The following GTF2A2 variants were observed in gnomAD, a reference collection of about 807,000 sequenced individuals.
The protein encoded by GTF2A2 is transcription initiation factor IIA subunit 2.
In GTF2A2, 9 loss-of-function variants were observed where a neutral mutation model predicts 14.3. The ratio of observed to expected loss-of-function variants is 0.63; its 90% CI spans 0.38 to 1.10. GTF2A2 has a LOEUF of 1.10. Ranked by LOEUF, GTF2A2 falls within the 50% of genes least tolerant of loss-of-function variation. The pLI is 0.01. For synonymous variants in GTF2A2, 56 were observed against 46.0 expected (o/e 1.22, Z -0.88); for missense variants, 90 against 124.6 (o/e 0.72, Z 1.32).
intron 3 of GTF2A2, among the ~76,000 whole-genome samples, chr15:59,650,252 G>C (rs1249463785): frequency 6.6e-6 from 1 of 152,202 alleles, no homozygotes; most frequent in East Asian, 1.9e-4. Context: ...GAGTCGGAGG[G>C]AGGCAACATG....
chr15:59,651,658 T>A (rs1161387294), intron 2 of GTF2A2: 3 of 152,196 alleles, frequency 2.0e-5, no homozygotes, highest in African/African-American at 7.2e-5. Context: ...ACAATCTCAA[T>A]TTTTATGTTG....
At position 59,650,614 on chromosome 15, in the gene GTF2A2, T is replaced by C. The variant is rs1034271353; in HGVS notation, c.177+55A>G. ...AATATGTAGGGGTCCTAAAAAAAAA[T>C]CAGTGTTTTAACAACCATTGGTACA... On this transcript the variant is annotated intron_variant, in intron 3 of 4. Coordinates refer to ENST00000396060, the MANE Select transcript of GTF2A2 (RefSeq NM_004492.3). 12 of 976,688 alleles carry C rather than the reference T, an allele frequency of 1.2e-5. No homozygotes were observed. In the African/African-American group the frequency reaches 1.8e-4, roughly 15 times the overall value. The allele number at this position is 976,688 out of a possible 1,614,324, so 60.5% of individuals were successfully genotyped here.
At chr15:59,649,540 G>A (rs1301001771) in intron 3 of GTF2A2, among the ~76,000 whole-genome samples, 1 of 152,000 alleles carries the variant, frequency 6.6e-6, no homozygotes, top group African/African-American at 2.4e-5. Context: ...CTGCATATGG[G>A]TATATAAAAA....
intron 3 of GTF2A2, chr15:59,644,371 T>C (rs1891534560): frequency 6.6e-6 from 1 of 152,230 alleles, no homozygotes; most frequent in Non-Finnish European, 1.5e-5. Context: ...GCTTGCAATA[T>C]TATTGTAATA....
intron 2 of GTF2A2, among the ~76,000 whole-genome samples, 154 bp from the exon 3 acceptor site, chr15:59,650,927 A>T (rs189668266): frequency 3.3e-5 from 5 of 152,356 alleles, no homozygotes; most frequent in African/African-American, 9.6e-5. Context: ...CTGATGATGA[A>T]GCACCAAGCT....
intron 2 of GTF2A2, chr15:59,651,929 C>T (rs761407643): frequency 5.2e-5 from 14 of 268,458 alleles, no homozygotes; most frequent in Non-Finnish European, 7.8e-5. Flanking sequence ...AGCGATCCTT[C>T]CACCTTGTCC....
rs1208716624 is a variant in GTF2A2 at position 59,647,125 on chromosome 15, C to G, written c.177+3544G>C. 1.3e-5 allele frequency among the ~76,000 whole-genome samples: 2 copies of G among 152,074 alleles called. 1 individual carries two copies. The highest frequency in any genetic ancestry group is 2.9e-5 in the Non-Finnish European group (2 of 68,016). ...ATAGTTTTTTTGAAGCAGGGTCTAG[C>G]TGTGTCACCCAGGCTGAAATGCAAT... On this transcript the variant is annotated intron_variant, in intron 3 of 4. Transcript: ENST00000396060.
At position 59,639,099 on chromosome 15, in the gene GTF2A2, G is replaced by A. The variant is rs1171176889; in HGVS notation, c.*33C>T. The A allele has an allele frequency of 1.4e-5, 17 of 1,237,424 alleles. No individual in the cohort carries two copies. In the Admixed American group the frequency reaches 2.4e-4, roughly 17 times the overall value. 76.7% of individuals were successfully genotyped at this position (1,237,424 alleles called of 1,614,324 possible). On this transcript the variant is annotated 3_prime_UTR_variant, in exon 5 of 5. Transcript: ENST00000396060. ...TTCTCTTCAAAAGCAATGAATAACA[G>A]AAGATGGTGTAAAAAAGTCATATTT...
At chr15:59,655,472 T>C (rs752156680) in intron 1 of GTF2A2, among the ~76,000 whole-genome samples, 3 of 152,200 alleles carry the variant, frequency 2.0e-5, no homozygotes, top group South Asian at 4.1e-4. Context: ...CCCTCCTCTT[T>C]CGTACAGGAT....
intron 3 of GTF2A2, 84 bp downstream of exon 3, chr15:59,650,585 A>T: frequency 1.4e-6 from 1 of 716,760 alleles, no homozygotes; most frequent in Non-Finnish European, 2.4e-6. Context: ...TCTTATGATT[A>T]ATAAATATGT....
intron 3 of GTF2A2, among the ~76,000 whole-genome samples, chr15:59,648,276 C>T (rs1012566491): frequency 6.6e-6 from 1 of 151,508 alleles, no homozygotes; most frequent in African/African-American, 2.4e-5. Context: ...GGCGTTGTGG[C>T]GTGTGCCTGT....
At chr15:59,639,674 G>A (rs1891329883) in intron 4 of GTF2A2, among the ~76,000 whole-genome samples, 1 of 151,854 alleles carries the variant, frequency 6.6e-6, no homozygotes, top group Non-Finnish European at 1.5e-5. Context: ...TAGCCAGGAT[G>A]GTCTCGATCT....
At chr15:59,653,834 T>C (rs1891864813) in intron 1 of GTF2A2, among the ~76,000 whole-genome samples, 1 of 152,180 alleles carries the variant, frequency 6.6e-6, no homozygotes, top group Non-Finnish European at 1.5e-5. Context: ...TCCTCAGTCT[T>C]ACCCACCTCG....
chr15:59,647,511 A>C (rs1484138320), intron 3 of GTF2A2, among the ~76,000 whole-genome samples: 1 of 152,178 alleles, frequency 6.6e-6, no homozygotes, highest in Non-Finnish European at 1.5e-5. Context: ...CATTTGGCCA[A>C]ATTGTATCTT....
intron 4 of GTF2A2, among the ~76,000 whole-genome samples, chr15:59,641,595 C>A (rs1385609368): frequency 6.6e-6 from 1 of 151,988 alleles, no homozygotes; most frequent in African/African-American, 2.4e-5. Flanking sequence ...AATCATGAAA[C>A]AGAAATTAGG....
intron 3 of GTF2A2, among the ~76,000 whole-genome samples, chr15:59,647,998 T>C (rs1157751264): frequency 1.3e-5 from 2 of 152,086 alleles, no homozygotes; most frequent in Non-Finnish European, 1.5e-5. Context: ...TTTTGGGGGG[T>C]GTGGCATTAA....
intron 3 of GTF2A2, among the ~76,000 whole-genome samples, chr15:59,648,760 C>T (rs1218550468): frequency 6.6e-6 from 1 of 151,890 alleles, no homozygotes; most frequent in African/African-American, 2.4e-5. Context: ...CGGTGAAACC[C>T]CCTCTCTACT....
At chr15:59,645,057 A>T (rs568031693) in intron 3 of GTF2A2, among the ~76,000 whole-genome samples, 2 of 152,290 alleles carry the variant, frequency 1.3e-5, no homozygotes, top group South Asian at 4.1e-4. Context: ...AGAAATGGAG[A>T]GACTTTTAAA....
At chr15:59,640,155 T>TG (rs1891357975) in intron 4 of GTF2A2, 1 of 87,178 alleles carries the variant, frequency 1.1e-5, no homozygotes, top group Non-Finnish European at 2.8e-5. Flanking sequence ...TAAAGATCAA[T>TG]TACTACACCG....
Sources: allele counts gnomAD v4.1 joint callset (sites outside exome capture counted in the v4.1 genomes callset), GRCh38; gene constraint gnomAD v4.1.1; transcripts MANE v1.5; gene names NCBI Gene and HGNC (gene_info 2026-07-23, HGNC 2026-07-21).